The following FAT2 variants were observed in gnomAD, a reference collection of about 807,000 sequenced individuals.
FAT2 encodes the protein protocadherin Fat 2.
Under a neutral mutation model 295.3 loss-of-function variants are expected in FAT2, and 150 were observed. The observed-to-expected ratio is 0.51, with a 90% confidence interval of 0.44 to 0.58. The LOEUF is 0.58. Ranked by LOEUF, FAT2 falls within the 20% of genes least tolerant of loss-of-function variation. The probability of loss-of-function intolerance (pLI) is 0.00; values close to 1 mark genes in which losing one functional copy is unlikely to be tolerated. For missense variants in FAT2, 4,868 were observed against 5,442.7 expected, an observed-to-expected ratio of 0.89 and a Z score of 3.32; for synonymous variants, 2,026 against 2,150.3, an observed-to-expected ratio of 0.94 and a Z score of 1.60.
chr5:151,566,931 AG>A lies in FAT2; in HGVS notation c.2000del (p.Pro667LeufsTer2). The A allele has an allele frequency of 6.2e-7, 1 of 1,614,218 alleles. No individual in the cohort carries two copies. Among genetic ancestry groups the A allele is most frequent in the African/African-American group, 1.3e-5 (1 of 75,068 alleles). ...ATACCCCTGTTTTATCACATGTTAC[AG>A]GAACTTCAAAATGAGGGTCCTTCAC... ...TVVKDPHFEV[P>X]VTCDKTGVLT... On this transcript the variant is annotated frameshift_variant, in exon 2 of 24. Coordinates refer to ENST00000261800, the MANE Select transcript of FAT2 (RefSeq NM_001447.3). LOFTEE classifies it high-confidence loss of function.
At position 151,528,157 on chromosome 5, in the gene FAT2, GAA is replaced by G. The variant is rs780661779; in HGVS notation, c.10027-26_10027-25del. The G allele has an allele frequency of 9.3e-4, 1,496 of 1,610,438 alleles. 1 individual carries two copies. The highest frequency in any genetic ancestry group is 1.1e-3 in the Non-Finnish European group (1,288 of 1,177,490). On this transcript the variant is annotated intron_variant, in intron 15 of 23. Transcript: ENST00000261800. ...ACCTGCGGTGGGGTAGGGGGATTGT[GAA>G]TGGAGGGACAGGAATCTTGACCCCT...
chr5:151,577,997 T>G (rs551287523), intron 1 of FAT2, among the ~76,000 whole-genome samples: 21 of 138,196 alleles, frequency 1.5e-4, no homozygotes, highest in African/African-American at 4.6e-4. Flanking sequence ...TGAAAACCAT[T>G]AAAATCCATG....
At chr5:151,572,275 C>G (rs956780732) in intron 1 of FAT2, among the ~76,000 whole-genome samples, 13 of 152,092 alleles carry the variant, frequency 8.5e-5, no homozygotes, top group African/African-American at 3.1e-4. Context: ...CAGGCTCAAT[C>G]AATACTAGTT....
intron 10 of FAT2, 80 bp downstream of exon 10, chr5:151,542,205 A>G: frequency 7.1e-7 from 1 of 1,399,792 alleles, no homozygotes; most frequent in Non-Finnish European, 9.7e-7. Context: ...AATCCAGGAC[A>G]TGAACCCATT....
In FAT2 at chr5:151,512,225, C is replaced by G. The variant is rs371179898; in HGVS notation, c.11845G>C (p.Asp3949His). 107 of 1,614,084 alleles carry G rather than the reference C, an allele frequency of 6.6e-5. No individual in the cohort carries two copies. Among genetic ancestry groups the G allele is most frequent in the Non-Finnish European group, 9.0e-5 (106 of 1,180,052 alleles). Residue 3949 changes from aspartate (D) to histidine (H), a missense_variant, in exon 21 of 24, where the codon GAC becomes CAC. By Grantham distance (81) the Asp-to-His change is moderately conservative. Transcript: ENST00000261800. This position sits in a 1 kb window ranked among gnomAD's most constrained non-coding sequence, Gnocchi z 4.1. ...AGGCATGTGTTCTGGCTGCAGTAGT[C>G]ACTGTGGAGGCAGCACTGGGTGAGG... ...QALTQCCLHS[D>H]YCSQNTCLNG...
intron 14 of FAT2, among the ~76,000 whole-genome samples, chr5:151,530,582 T>C (rs980299556): frequency 2.6e-5 from 4 of 152,236 alleles, no homozygotes; most frequent in Admixed American, 2.6e-4. Flanking sequence ...AAATTCAGTA[T>C]GTAGATGTTT....
At chr5:151,510,257 TG>T in intron 21 of FAT2, 83 bp from the exon 22 acceptor site, 1 of 1,464,204 alleles carries the variant, frequency 6.8e-7, no homozygotes, top group South Asian at 1.2e-5. Flanking sequence ...GGTGTGTTTG[TG>T]CAGCCGTTCA....
chr5:151,519,251 G>A (rs536703015), intron 19 of FAT2, among the ~76,000 whole-genome samples: 1 of 152,352 alleles, frequency 6.6e-6, no homozygotes, highest in South Asian at 2.1e-4. Flanking sequence ...GGCTGAGGCA[G>A]CAGACTTGCT....
Position 151,512,172 on chromosome 5 carries a change from A to G in FAT2, c.11898T>C (p.His3966=), listed in dbSNP as rs2304028. ...TGGCACCCCAGCCCTCACCTGCCCCATGGGTCCATGAGCACTTCCCACCAT... is the reference window on the plus strand; with the variant it reads ...TGGCACCCCAGCCCTCACCTGCCCCGTGGGTCCATGAGCACTTCCCACCAT... The part of the protein sequence containing the change: ...CLNGGKCSWT[H]GAGYVCKCPP... The change falls in exon 21 of 24, where the codon CAT becomes CAC. Residue 3966 remains histidine (H), a synonymous_variant. Transcript: ENST00000261800. This position sits in a 1 kb window ranked among gnomAD's most constrained non-coding sequence, Gnocchi z 4.1. 0.74 allele frequency: 1,190,585 copies of G among 1,611,116 alleles called. 442,673 individuals are homozygous for G. The highest frequency in any genetic ancestry group is 0.95 in the East Asian group (42,486 of 44,782).
rs1020501563 is a variant in FAT2 at position 151,568,870 on chromosome 5, G to C, written c.62C>G (p.Pro21Arg). 5 of 1,613,920 alleles carry C rather than the reference G, an allele frequency of 3.1e-6. No individual in the cohort carries two copies. Among genetic ancestry groups the C allele is most frequent in the African/African-American group, 1.3e-5 (1 of 74,910 alleles). Reference protein sequence around the residue: ...FLLHCATCEKPLEGILSSSAW... With the variant: ...FLLHCATCEKRLEGILSSSAW... ...AGAGGAGGAGAGAATCCCTTCTAGA[G>C]GCTTCTCACAGGTCGCACAATGGAG... is the stretch of plus-strand genomic sequence containing the variant. Residue 21 changes from proline to arginine, a missense_variant, in exon 2 of 24, where the codon CCT becomes CGT. This residue lies in a region of FAT2 where 3,297 missense variants were observed against 3,669.4 expected (regional missense o/e 0.90). Coordinates refer to ENST00000261800, the MANE Select transcript of FAT2 (RefSeq NM_001447.3).
chr5:151,504,434 A>G lies in FAT2; in HGVS notation c.*1131T>C, dbSNP rs1209762326. On this transcript the variant is annotated 3_prime_UTR_variant, in exon 24 of 24. Coordinates refer to ENST00000261800, the MANE Select transcript of FAT2 (RefSeq NM_001447.3). Reference sequence around the variant, plus strand: ...ACACATGTGTACACACGTACTATCCATGGGCACCCACATGTGTAGACATGT... The same window carrying G: ...ACACATGTGTACACACGTACTATCCGTGGGCACCCACATGTGTAGACATGT... The G allele has an allele frequency of 6.6e-6, 1 of 152,652 alleles. No individual in the cohort carries two copies. Among genetic ancestry groups the G allele is most frequent in the Non-Finnish European group, 1.5e-5 (1 of 68,048 alleles). 9.5% of individuals were successfully genotyped at this position (152,652 alleles called of 1,614,324 possible).
At chr5:151,563,296 C>T (rs1162693589) in intron 3 of FAT2, 29 bp downstream of exon 3, 21 of 1,604,310 alleles carry the variant, frequency 1.3e-5, no homozygotes, top group Non-Finnish European at 1.7e-5. Flanking sequence ...TGTAGAGATC[C>T]CTGTTCACCC....
In FAT2 at chr5:151,545,446, A is replaced by G; in HGVS notation, c.5681T>C (p.Val1894Ala). The change falls in exon 10 of 24, where the codon GTG becomes GCG. Residue 1894 changes from valine (V) to alanine (A), a missense_variant. By Grantham distance (64) the Val-to-Ala change is moderately conservative. This residue lies in a region of FAT2 where 3,297 missense variants were observed against 3,669.4 expected (regional missense o/e 0.90). Coordinates refer to ENST00000261800, the MANE Select transcript of FAT2 (RefSeq NM_001447.3). ...TTCTGAGTCTTCATCGCTGGCCCGC[A>G]CCATGAGAAGCTCCATGCCTGGATG... is the stretch of plus-strand genomic sequence containing the variant. Reference protein sequence around the residue: ...PIHPGMELLMVRASDEDSEVN... With the variant: ...PIHPGMELLMARASDEDSEVN... The G allele has an allele frequency of 6.2e-7, 1 of 1,614,174 alleles. No individual in the cohort carries two copies. The highest frequency in any genetic ancestry group is 2.2e-5 in the East Asian group (1 of 44,886).
At position 151,567,709 on chromosome 5, in the gene FAT2, A is replaced by C; in HGVS notation, c.1223T>G (p.Leu408Arg). The C allele has an allele frequency of 6.2e-7, 1 of 1,614,218 alleles. No homozygotes were observed. The highest frequency in any genetic ancestry group is 8.5e-7 in the Non-Finnish European group (1 of 1,180,042). ...KPSSENVGFK[L>R]NARTGLITTT... ...GGTGATCAACCCAGTTCGAGCATTA[A>C]GTTTAAATCCTACATTCTCTGAAGA... Residue 408 changes from leucine to arginine, a missense_variant, in exon 2 of 24, where the codon CTT becomes CGT. Transcript: ENST00000261800.
chr5:151,537,279 G>T (rs1417618530), intron 12 of FAT2, among the ~76,000 whole-genome samples: 43 of 148,920 alleles, frequency 2.9e-4, no homozygotes, highest in Non-Finnish European at 3.0e-5. Flanking sequence ...GGTGGTGGTG[G>T]AGGAGGAGGA....
intron 1 of FAT2, 51 bp from the exon 2 acceptor site, chr5:151,569,002 C>A: frequency 6.7e-7 from 1 of 1,488,864 alleles, no homozygotes; most frequent in Non-Finnish European, 9.0e-7. Flanking sequence ...AAAATGGTTT[C>A]TACTGCTGTG....
At chr5:151,550,500 G>A (rs976805525) in intron 8 of FAT2, 90 bp downstream of exon 8, 1 of 1,425,846 alleles carries the variant, frequency 7.0e-7, no homozygotes, top group Admixed American at 1.8e-5. Flanking sequence ...CTTATGAGGG[G>A]AAGGGGGACC....
chr5:151,529,493 G>T, intron 14 of FAT2, 101 bp from the exon 15 acceptor site: 2 of 928,602 alleles, frequency 2.2e-6, no homozygotes, highest in Non-Finnish European at 3.4e-6. Context: ...GCTCAACAGG[G>T]CTAGGCAAGG....
At chr5:151,589,755 G>T (rs1759325364) in intron 1 of FAT2, among the ~76,000 whole-genome samples, 1 of 152,042 alleles carries the variant, frequency 6.6e-6, no homozygotes, top group Non-Finnish European at 1.5e-5. Context: ...TTTTTAATTA[G>T]CCAGGTGTGG....
Sources: gnomAD v4.1 joint callset for allele counts (sites outside exome capture counted in the v4.1 genomes callset) on GRCh38, gnomAD v4.1.1 for gene constraint, gnomAD v4.1.1 regional missense constraint, Gnocchi (gnomAD v3.1) non-coding constraint, MANE v1.5 for transcripts, NCBI Gene and HGNC (gene_info 2026-07-23, HGNC 2026-07-21) for gene names.